PARD3B: variants seen among roughly 807,000 people sequenced by gnomAD.
PARD3B encodes the protein partitioning defective 3 homolog B.
Under a neutral mutation model 130.2 loss-of-function variants are expected in PARD3B, and 103 were observed. That is an observed-to-expected ratio of 0.79 (90% CI 0.67 to 0.93). The LOEUF (loss-of-function observed/expected upper bound fraction) is 0.93. PARD3B is among the 40% of genes least tolerant of loss of function. The pLI is 0.00. For synonymous variants in PARD3B, 583 were observed against 553.2 expected (o/e 1.05, Z -0.76); for missense variants, 1,609 against 1,499.2 (o/e 1.07, Z -1.21).
intron 21 of PARD3B, among the ~76,000 whole-genome samples, chr2:205,505,890 A>G (rs1302708606): frequency 2.0e-5 from 3 of 152,308 alleles, no homozygotes; most frequent in Middle Eastern, 3.4e-3. Context: ...TTAAAAAAAA[A>G]TTCTTTGGCT....
chr2:204,639,730 G>C (rs1009228611), intron 1 of PARD3B, among the ~76,000 whole-genome samples: 8 of 152,166 alleles, frequency 5.3e-5, no homozygotes, highest in Non-Finnish European at 1.2e-4. Context: ...CTAGTGGGAT[G>C]CCCAATCTCC....
intron 11 of PARD3B, among the ~76,000 whole-genome samples, chr2:205,169,585 C>T (rs1265253128): frequency 6.6e-6 from 1 of 152,210 alleles, no homozygotes; most frequent in Non-Finnish European, 1.5e-5. Flanking sequence ...TTCCTTCCCT[C>T]CATCTCTAGA....
chr2:205,608,773 C>T (rs1281539389), intron 22 of PARD3B, among the ~76,000 whole-genome samples: 1 of 152,084 alleles, frequency 6.6e-6, no homozygotes, highest in Non-Finnish European at 1.5e-5. Context: ...TAACTCAATT[C>T]TTGTATTTGT....
intron 2 of PARD3B, among the ~76,000 whole-genome samples, chr2:204,832,038 C>T (rs1361907208): frequency 3.3e-5 from 5 of 152,026 alleles, no homozygotes; most frequent in Admixed American, 1.3e-4. Context: ...CTGGCTAACA[C>T]GGTGAAACCC....
At chr2:205,111,406 A>AT (rs942115537) in intron 5 of PARD3B, among the ~76,000 whole-genome samples, 9 of 152,148 alleles carry the variant, frequency 5.9e-5, no homozygotes, top group African/African-American at 1.9e-4. Flanking sequence ...ATTCTCACAA[A>AT]TTTTTTAAGT....
intron 2 of PARD3B, among the ~76,000 whole-genome samples, chr2:204,817,766 TC>T (rs1205458571): frequency 3.3e-5 from 5 of 152,132 alleles, no homozygotes; most frequent in Admixed American, 1.3e-4. Context: ...GGCTTTTTCT[TC>T]CTAATCTACA....
chr2:204,704,553 G>A (rs2038047545), intron 2 of PARD3B, among the ~76,000 whole-genome samples: 1 of 152,100 alleles, frequency 6.6e-6, no homozygotes, highest in Admixed American at 6.6e-5. Context: ...ATAAAATATG[G>A]TATTTATGAG....
intron 22 of PARD3B, among the ~76,000 whole-genome samples, chr2:205,561,921 A>G (rs1439310011): frequency 6.6e-6 from 1 of 152,174 alleles, no homozygotes; most frequent in Non-Finnish European, 1.5e-5. Flanking sequence ...CTGAAAATCT[A>G]GTCTCTACTT....
chr2:205,059,556 C>G lies in PARD3B; in HGVS notation c.504+11866C>G, dbSNP rs1035145491. On this transcript the variant is annotated intron_variant, in intron 4 of 22. Coordinates refer to ENST00000406610, the MANE Select transcript of PARD3B (RefSeq NM_001302769.2). Reference sequence around the variant, plus strand: ...CTGCTCTGGACAGAATTTACCACTTCCCACTGATGGCATGCTGGAATACCT... The same window carrying G: ...CTGCTCTGGACAGAATTTACCACTTGCCACTGATGGCATGCTGGAATACCT... Among the ~76,000 whole-genome samples the G allele has an allele frequency of 2.0e-5, 3 of 152,068 alleles. 1 individual carries two copies. Among genetic ancestry groups the G allele is most frequent in the Non-Finnish European group, 4.4e-5 (3 of 67,976 alleles).
chr2:204,566,708 A>C (rs1273939910), intron 1 of PARD3B, among the ~76,000 whole-genome samples: 1 of 152,166 alleles, frequency 6.6e-6, no homozygotes, highest in Non-Finnish European at 1.5e-5. Context: ...CAACTTTGTT[A>C]ATGTTTTTGT....
chr2:204,762,456 A>G (rs569587100), intron 2 of PARD3B, among the ~76,000 whole-genome samples: 5 of 152,302 alleles, frequency 3.3e-5, no homozygotes, highest in Non-Finnish European at 5.9e-5. Context: ...GCTAGATCAG[A>G]TAAATTTCTA....
Position 205,542,354 on chromosome 2 carries a change from T to TTGTGTGTGTGTG in PARD3B, c.3181-10952_3181-10941dup, listed in dbSNP as rs143438143. ...CAGGAAACTATTCAGTAGTTTGTGT[T>TTGTGTGTGTGTG]TGTGTGTGTGTGTGTGTGTGTGTGT... On this transcript the variant is annotated intron_variant, in intron 21 of 22. Coordinates refer to ENST00000406610, the MANE Select transcript of PARD3B (RefSeq NM_001302769.2). Among the ~76,000 whole-genome samples the TTGTGTGTGTGTG allele has an allele frequency of 6.6e-3, 956 of 145,180 alleles. 10 individuals are homozygous for TTGTGTGTGTGTG. The highest frequency in any genetic ancestry group is 0.019 in the African/African-American group (750 of 38,876).
At position 205,015,626 on chromosome 2, in the gene PARD3B, G is replaced by A. The variant is rs1696088056; in HGVS notation, c.395-31955G>A. ...TCAATGAATGAGTAAATTGGAGGAT[G>A]TAATAAAGGTGGTTGACATCTGCTT... On this transcript the variant is annotated intron_variant, in intron 3 of 22. Transcript: ENST00000406610. This position sits in a 1 kb window ranked among gnomAD's most constrained non-coding sequence, Gnocchi z 4.5. Among the ~76,000 whole-genome samples the A allele has an allele frequency of 2.6e-5, 4 of 152,314 alleles. No individual in the cohort carries two copies. The highest frequency in any genetic ancestry group is 4.1e-4 in the South Asian group (2 of 4,820).
rs979848959 is a variant in PARD3B, at chr2:205,281,120, C to G, written c.2186-19410C>G. Reference sequence around the variant, plus strand: ...TTCTTACATTAGAGTGGCTGCTGGGCTGCTGGGGAGGGGCATAGGCAGCCA... The same window carrying G: ...TTCTTACATTAGAGTGGCTGCTGGGGTGCTGGGGAGGGGCATAGGCAGCCA... On this transcript the variant is annotated intron_variant, in intron 16 of 22. Coordinates refer to ENST00000406610, the MANE Select transcript of PARD3B (RefSeq NM_001302769.2). This position sits in a 1 kb window ranked among gnomAD's most constrained non-coding sequence, Gnocchi z 4.2. Among the ~76,000 whole-genome samples the G allele has an allele frequency of 2.0e-5, 3 of 152,092 alleles. No individual in the cohort carries two copies. The highest frequency in any genetic ancestry group is 4.4e-5 in the Non-Finnish European group (3 of 67,992).
intron 3 of PARD3B, among the ~76,000 whole-genome samples, chr2:205,044,061 G>GT (rs960755809): frequency 1.3e-5 from 2 of 151,180 alleles, no homozygotes. Flanking sequence ...GCAGTGTTTG[G>GT]TTTTTTGTTC....
chr2:204,638,329 AT>A (rs1275383145), intron 1 of PARD3B, among the ~76,000 whole-genome samples: 1 of 152,180 alleles, frequency 6.6e-6, no homozygotes, highest in Non-Finnish European at 1.5e-5. Flanking sequence ...TATTAAAGCG[AT>A]TTCATAGATA....
Position 205,244,808 on chromosome 2 carries a change from C to T in PARD3B, c.2141-970C>T, listed in dbSNP as rs968401772. Among the ~76,000 whole-genome samples the T allele has an allele frequency of 5.9e-5, 9 of 152,104 alleles. No homozygotes were observed. The highest frequency in any genetic ancestry group is 1.7e-4 in the African/African-American group (7 of 41,408). On this transcript the variant is annotated intron_variant, in intron 15 of 22. Coordinates refer to ENST00000406610, the MANE Select transcript of PARD3B (RefSeq NM_001302769.2). This position sits in a 1 kb window ranked among gnomAD's most constrained non-coding sequence, Gnocchi z 4.7. Reference sequence around the variant, plus strand: ...CATTAATCTAGAGTTAGTTTTTCCCCGCTGTTGAGGCAAGACCCTTCTTCA... The same window carrying T: ...CATTAATCTAGAGTTAGTTTTTCCCTGCTGTTGAGGCAAGACCCTTCTTCA...
chr2:205,242,961 G>A (rs1345996411), intron 15 of PARD3B, among the ~76,000 whole-genome samples: 2 of 152,126 alleles, frequency 1.3e-5, no homozygotes, highest in African/African-American at 2.4e-5. Context: ...GAGGTCAGGA[G>A]TTCGAGACCA....
chr2:205,201,895 A>G (rs2037012343), intron 15 of PARD3B, among the ~76,000 whole-genome samples: 1 of 152,222 alleles, frequency 6.6e-6, no homozygotes. Flanking sequence ...TTAACTACAT[A>G]ACTGTATTAT....
Sources: allele counts gnomAD v4.1 joint callset (sites outside exome capture counted in the v4.1 genomes callset), GRCh38; gene constraint gnomAD v4.1.1; non-coding constraint Gnocchi (gnomAD v3.1); transcripts MANE v1.5; gene names NCBI Gene and HGNC (gene_info 2026-07-23, HGNC 2026-07-21).